The following HIP1 variants were observed in gnomAD, a reference collection of about 807,000 sequenced individuals.
HIP1 encodes the protein huntingtin interacting protein 1, also known as huntingtin-interacting protein 1.
HIP1 carries 65 observed loss-of-function variants against 147.6 expected under a neutral mutation model. The ratio of observed to expected loss-of-function variants is 0.44; its 90% confidence interval spans 0.36 to 0.54. The LOEUF is 0.54. HIP1 is among the 20% of genes least tolerant of loss of function. The probability of loss-of-function intolerance (pLI) is 0.00; values close to 1 mark genes in which losing one functional copy is unlikely to be tolerated. For missense variants in HIP1, 1,061 were observed against 1,299.6 expected, an observed-to-expected ratio of 0.82 and a Z score of 2.82; for synonymous variants, 479 against 504.0, an observed-to-expected ratio of 0.95 and a Z score of 0.67.
intron 1 of HIP1, among the ~76,000 whole-genome samples, chr7:75,613,551 GT>G (rs1440814093): frequency 2.0e-5 from 3 of 151,980 alleles, no homozygotes; most frequent in Non-Finnish European, 4.4e-5. Context: ...TCCGCCTTTG[GT>G]CCCTAGAGGG....
At chr7:75,647,790 A>T (rs1798854001) in intron 1 of HIP1, among the ~76,000 whole-genome samples, 1 of 152,220 alleles carries the variant, frequency 6.6e-6, no homozygotes, top group African/African-American at 2.4e-5. Context: ...GCACTTGCAC[A>T]TGTGGACGGA....
At chr7:75,594,453 T>C (rs1390829939) in intron 2 of HIP1, among the ~76,000 whole-genome samples, 3 of 152,036 alleles carry the variant, frequency 2.0e-5, no homozygotes, top group Admixed American at 2.0e-4. Flanking sequence ...ACCCACCCTC[T>C]GCAGATAGTT....
At chr7:75,576,714 A>C (rs1432550242) in intron 7 of HIP1, among the ~76,000 whole-genome samples, 1 of 152,160 alleles carries the variant, frequency 6.6e-6, no homozygotes, top group Non-Finnish European at 1.5e-5. Context: ...GTTTCAGAGA[A>C]AACAAAAACA....
chr7:75,539,754 CA>C (rs1410425515), intron 29 of HIP1, among the ~76,000 whole-genome samples: 2 of 152,160 alleles, frequency 1.3e-5, no homozygotes, highest in African/African-American at 2.4e-5. Context: ...TCCATTCTCC[CA>C]TTCATTTATC....
At chr7:75,589,577 G>A (rs1426344665) in intron 4 of HIP1, among the ~76,000 whole-genome samples, 3 of 150,874 alleles carry the variant, frequency 2.0e-5, no homozygotes, top group Non-Finnish European at 3.0e-5. Flanking sequence ...TAGCTACTCG[G>A]GAGGCTGAGG....
chr7:75,718,476 C>T (rs1801389651), intron 1 of HIP1, among the ~76,000 whole-genome samples: 1 of 152,164 alleles, frequency 6.6e-6, no homozygotes, highest in African/African-American at 2.4e-5. Flanking sequence ...GCCTGTATAA[C>T]TATTCGGTTC....
At chr7:75,718,637 C>T (rs1186416928) in intron 1 of HIP1, among the ~76,000 whole-genome samples, 2 of 152,202 alleles carry the variant, frequency 1.3e-5, no homozygotes, top group African/African-American at 4.8e-5. Flanking sequence ...GCTCTCCAGC[C>T]TTTGCTTTTC....
Position 75,568,367 on chromosome 7 carries a change from A to G in HIP1, c.746-111T>C. 2 of 782,798 alleles carry G rather than the reference A, an allele frequency of 2.6e-6. No individual in the cohort carries two copies. The highest frequency in any genetic ancestry group is 4.6e-6 in the Non-Finnish European group (2 of 434,352). 48.5% of individuals were successfully genotyped at this position (782,798 alleles called of 1,614,324 possible). On this transcript the variant is annotated intron_variant, in intron 8 of 30. Transcript: ENST00000336926. The surrounding 1 kb of genome is among the most constrained non-coding windows in gnomAD (Gnocchi z 4.1). Reference sequence around the variant, plus strand: ...AGCTACCCTGGGGCATGTGGCCAGCACTGCCAGGGGCCACGACTGGCCTAG... The same window carrying G: ...AGCTACCCTGGGGCATGTGGCCAGCGCTGCCAGGGGCCACGACTGGCCTAG...
rs1554491146 is a variant in HIP1 at position 75,546,934 on chromosome 7, C to T, written c.2559+5G>A. ...TTCCTGCCCAGGGCCCACACCCACG[C>T]TCACCCTGCCGCTCTCCACAATCTC... is the stretch of plus-strand genomic sequence containing the variant. On this transcript the variant is annotated splice_donor_5th_base_variant and intron_variant, in intron 25 of 30. Transcript: ENST00000336926. 7 of 1,559,348 alleles carry T rather than the reference C, an allele frequency of 4.5e-6. No homozygotes were observed. Among genetic ancestry groups the T allele is most frequent in the Non-Finnish European group, 6.1e-6 (7 of 1,150,194 alleles).
intron 2 of HIP1, among the ~76,000 whole-genome samples, chr7:75,597,357 C>T (rs1286913914): frequency 6.6e-6 from 1 of 152,176 alleles, no homozygotes; most frequent in African/African-American, 2.4e-5. Flanking sequence ...ACAAGCTGCT[C>T]TGGCTTGCCT....
chr7:75,676,590 A>G (rs1320874711), intron 1 of HIP1, among the ~76,000 whole-genome samples: 1 of 151,960 alleles, frequency 6.6e-6, no homozygotes, highest in Non-Finnish European at 1.5e-5. Context: ...CAGCCTGGCC[A>G]ACATGGTGAA....
chr7:75,662,576 G>A (rs968981965), intron 1 of HIP1, among the ~76,000 whole-genome samples: 1 of 152,132 alleles, frequency 6.6e-6, no homozygotes, highest in African/African-American at 2.4e-5. Context: ...CGTGATCTCA[G>A]CTCACTGCAA....
chr7:75,718,722 T>C (rs986617417), intron 1 of HIP1, among the ~76,000 whole-genome samples: 1 of 152,150 alleles, frequency 6.6e-6, no homozygotes, highest in Non-Finnish European at 1.5e-5. Flanking sequence ...CCATAATGTC[T>C]TTCTTGAGGT....
chr7:75,557,652 A>C lies in HIP1; in HGVS notation c.1581+2T>G. The C allele has an allele frequency of 6.2e-7, 1 of 1,609,190 alleles. No individual in the cohort carries two copies. The highest frequency in any genetic ancestry group is 8.5e-7 in the Non-Finnish European group (1 of 1,175,932). On this transcript the variant is annotated splice_donor_variant, in intron 16 of 30. Transcript: ENST00000336926. LOFTEE classifies it high-confidence loss of function. ...TTCCCGAGTGCTCCTCGTCCCACTC[A>C]CCTTCCGCTGGCCCTGGTCACTGAT...
At chr7:75,674,683 G>C (rs1160002451) in intron 1 of HIP1, among the ~76,000 whole-genome samples, 2 of 151,892 alleles carry the variant, frequency 1.3e-5, no homozygotes, top group Admixed American at 6.6e-5. Flanking sequence ...AGTACAGATG[G>C]GGTTTCACCA....
intron 1 of HIP1, among the ~76,000 whole-genome samples, chr7:75,636,276 G>A (rs1378390829): frequency 2.0e-5 from 3 of 151,480 alleles, no homozygotes; most frequent in African/African-American, 7.3e-5. Context: ...GCCTGAACCC[G>A]CGAGGCAGAG....
chr7:75,687,101 A>T (rs2117286724), intron 1 of HIP1, among the ~76,000 whole-genome samples: 1 of 152,240 alleles, frequency 6.6e-6, no homozygotes, highest in South Asian at 2.1e-4. Context: ...GAGAAAAGAG[A>T]AACAAATGGA....
intron 20 of HIP1, 49 bp downstream of exon 20, chr7:75,554,391 C>A: frequency 6.7e-7 from 1 of 1,503,114 alleles, no homozygotes; most frequent in South Asian, 1.1e-5. Flanking sequence ...GCTTCTGAAC[C>A]CTGTCTGGCC....
At chr7:75,709,410 G>C (rs1216092536) in intron 1 of HIP1, among the ~76,000 whole-genome samples, 1 of 152,102 alleles carries the variant, frequency 6.6e-6, no homozygotes, top group Non-Finnish European at 1.5e-5. Flanking sequence ...ACCTCACCCG[G>C]CCCCAGTATT....
Sources: gnomAD v4.1 joint callset for allele counts (sites outside exome capture counted in the v4.1 genomes callset) on GRCh38, gnomAD v4.1.1 for gene constraint, Gnocchi (gnomAD v3.1) non-coding constraint, MANE v1.5 for transcripts, NCBI Gene and HGNC (gene_info 2026-07-23, HGNC 2026-07-21) for gene names.